MKNK1: variants seen among roughly 807,000 people sequenced by gnomAD.
MKNK1 encodes the protein MAP kinase-interacting serine/threonine-protein kinase 1.
Under a neutral mutation model 49.3 loss-of-function variants are expected in MKNK1, and 30 were observed. The ratio of observed to expected loss-of-function variants is 0.61; its 90% CI spans 0.46 to 0.83. The LOEUF is 0.83. Ranked by LOEUF, MKNK1 falls within the 40% of genes least tolerant of loss-of-function variation. The probability of loss-of-function intolerance (pLI) is 0.00; values close to 1 mark genes in which losing one functional copy is unlikely to be tolerated. For missense variants in MKNK1, 423 were observed against 524.7 expected (o/e 0.81, Z 1.89); for synonymous variants, 176 against 201.7 (o/e 0.87, Z 1.08).
At chr1:46,582,261 G>A (rs965957444) in intron 3 of MKNK1, among the ~76,000 whole-genome samples, 1 of 152,124 alleles carries the variant, frequency 6.6e-6, no homozygotes, top group African/African-American at 2.4e-5. Context: ...AACCCCTGCT[G>A]AAAGTACCTT....
At chr1:46,565,436 G>T in intron 8 of MKNK1, 1 of 402,126 alleles carries the variant, frequency 2.5e-6, no homozygotes, top group Non-Finnish European at 4.7e-6. Flanking sequence ...GATGGTACAG[G>T]TTGCAGCACA....
rs1049181657 is a variant in MKNK1 at position 46,588,756 on chromosome 1, C to G, written c.-3+5357G>C. Reference sequence around the variant, plus strand: ...CCGGGGGGCGGAGCCTGCAGTGAGCCGAGATCGCGCCACTGCACTCCAGCC... The same window carrying G: ...CCGGGGGGCGGAGCCTGCAGTGAGCGGAGATCGCGCCACTGCACTCCAGCC... On this transcript the variant is annotated intron_variant, in intron 2 of 12. Coordinates refer to ENST00000371945, the MANE Select transcript of MKNK1 (RefSeq NM_001135553.4). Among the ~76,000 whole-genome samples the G allele has an allele frequency of 2.0e-5, 3 of 148,578 alleles. No individual in the cohort carries two copies. In the Admixed American group the frequency reaches 2.0e-4, roughly 10 times the overall value.
chr1:46,577,400 G>C (rs1036816048), intron 4 of MKNK1, among the ~76,000 whole-genome samples: 20 of 152,184 alleles, frequency 1.3e-4, no homozygotes, highest in African/African-American at 4.8e-4. Flanking sequence ...ATAGTCACTT[G>C]AACTGGGGAG....
At chr1:46,600,943 G>T (rs1263906845) in intron 1 of MKNK1, among the ~76,000 whole-genome samples, 2 of 150,834 alleles carry the variant, frequency 1.3e-5, no homozygotes, top group African/African-American at 4.9e-5. Context: ...TTGAGACAGA[G>T]TCTCACTCTG....
intron 2 of MKNK1, among the ~76,000 whole-genome samples, chr1:46,584,300 G>C (rs1253750461): frequency 6.6e-6 from 1 of 152,124 alleles, no homozygotes. Flanking sequence ...ATCCAGAGTG[G>C]AGCTTTAATA....
intron 7 of MKNK1, among the ~76,000 whole-genome samples, chr1:46,571,238 T>G (rs1282443798): frequency 1.3e-5 from 2 of 152,286 alleles, no homozygotes; most frequent in Middle Eastern, 6.8e-3. Flanking sequence ...ATACCTCAAA[T>G]GTACATGTTA....
At chr1:46,575,357 G>A (rs1196251243) in intron 5 of MKNK1, 7 of 201,668 alleles carry the variant, frequency 3.5e-5, no homozygotes, top group Admixed American at 1.1e-4. Flanking sequence ...AAGCAATTGC[G>A]GCTAATAACA....
chr1:46,584,375 C>T (rs76421298), intron 2 of MKNK1: 2 of 152,110 alleles, frequency 1.3e-5, no homozygotes, highest in Non-Finnish European at 2.9e-5. Flanking sequence ...TCCCCACCAG[C>T]GTGATTAAAC....
intron 2 of MKNK1, chr1:46,586,373 T>G (rs1672571343): frequency 5.3e-6 from 1 of 189,944 alleles, no homozygotes. Context: ...GCTATGCAAA[T>G]GGAGGGTGTT....
At chr1:46,572,411 G>C (rs530530857) in intron 6 of MKNK1, 3 of 315,990 alleles carry the variant, frequency 9.5e-6, no homozygotes, top group African/African-American at 4.3e-5. Context: ...GTAGAGATGG[G>C]GTTTCACCAT....
Position 46,580,547 on chromosome 1 carries a change from T to C in MKNK1, c.181A>G (p.Lys61Glu), listed in dbSNP as rs1373874384. ...ACACTCACTTTGACGGCATACTCTT[T>C]GCCATTCTGTAGGCTCACGGCACCT... is the stretch of plus-strand genomic sequence containing the variant. ...VQGAVSLQNG[K>E]EYAVKIIEKQ... Residue 61 changes from lysine (K) to glutamate (E), a missense_variant, in exon 4 of 13, where the codon AAA becomes GAA. By Grantham distance (56) the Lys-to-Glu change is moderately conservative (BLOSUM62 1). Transcript: ENST00000371945. 1.9e-6 allele frequency: 3 copies of C among 1,613,762 alleles called. No individual in the cohort carries two copies. The highest frequency in any genetic ancestry group is 2.5e-6 in the Non-Finnish European group (3 of 1,179,616).
chr1:46,581,892 A>C (rs1018846725), intron 3 of MKNK1, among the ~76,000 whole-genome samples: 1 of 152,076 alleles, frequency 6.6e-6, no homozygotes, highest in Admixed American at 6.6e-5. Context: ...CCCCTTCCAA[A>C]GGAGGCTACA....
rs569004460 is a variant in MKNK1 at position 46,573,201 on chromosome 1, G to A, written c.353-1034C>T. Among the ~76,000 whole-genome samples the A allele has an allele frequency of 1.6e-4, 25 of 152,334 alleles. 1 individual carries two copies. The highest frequency in any genetic ancestry group is 5.1e-4 in the African/African-American group (21 of 41,568). On this transcript the variant is annotated intron_variant, in intron 6 of 12. Transcript: ENST00000371945. The stretch of plus-strand genomic sequence containing the variant: ...TGAGGCCAGGACTTAGGCCCAGGGC[G>A]TCAGTCAGGCCTCCGAGTCTGTGCA...
intron 7 of MKNK1, chr1:46,570,044 G>GCCCAATTCATCTTC (rs1553198315): frequency 6.6e-6 from 1 of 152,152 alleles, no homozygotes; most frequent in Non-Finnish European, 1.5e-5. Context: ...ACCCATTCTT[G>GCCCAATTCATCTTC]CCCAATTCAT....
In MKNK1 at chr1:46,564,466, G is replaced by GTTTTTTTTTT. The variant is rs568296534; in HGVS notation, c.609+565_609+574dup. 9.7e-4 allele frequency among the ~76,000 whole-genome samples: 68 copies of GTTTTTTTTTT among 70,166 alleles called. 8 individuals are homozygous for GTTTTTTTTTT. Among genetic ancestry groups the GTTTTTTTTTT allele is most frequent in the African/African-American group, 2.9e-3 (42 of 14,666 alleles). The allele number at this position is 70,166 out of a possible 152,430, so 46.0% of individuals were successfully genotyped here. ...GGGCTCAGCCTGTGTTTTTTTTATT[G>GTTTTTTTTTT]TTTTTTTTTTTTTTTTTTTTTTTTT... On this transcript the variant is annotated intron_variant, in intron 9 of 12. Coordinates refer to ENST00000371945, the MANE Select transcript of MKNK1 (RefSeq NM_001135553.4).
chr1:46,575,156 T>C, intron 5 of MKNK1, 136 bp from the exon 6 acceptor site: 1 of 608,678 alleles, frequency 1.6e-6, no homozygotes, highest in Non-Finnish European at 2.9e-6. Context: ...ATCAGAATGC[T>C]TATTAAAGAC....
intron 9 of MKNK1, among the ~76,000 whole-genome samples, chr1:46,564,401 G>T (rs1668631629): frequency 6.6e-6 from 1 of 151,034 alleles, no homozygotes; most frequent in South Asian, 2.1e-4. Context: ...AAAAGGGCTG[G>T]CCTGGGAGTA....
At chr1:46,592,899 CAG>C (rs768424499) in intron 2 of MKNK1, among the ~76,000 whole-genome samples, 23 of 152,136 alleles carry the variant, frequency 1.5e-4, no homozygotes, top group East Asian at 5.8e-4. Context: ...GACCATCAAA[CAG>C]GGGGAAAATT....
chr1:46,594,751 T>G (rs1193452768), intron 1 of MKNK1: 2 of 307,954 alleles, frequency 6.5e-6, no homozygotes, highest in Non-Finnish European at 1.3e-5. Flanking sequence ...TCTCAGCACT[T>G]TGGGAGGCTG....
Sources: allele counts gnomAD v4.1 joint callset (sites outside exome capture counted in the v4.1 genomes callset), GRCh38; gene constraint gnomAD v4.1.1; transcripts MANE v1.5; gene names NCBI Gene and HGNC (gene_info 2026-07-23, HGNC 2026-07-21).